The following PTCHD4 variants were observed in gnomAD, a reference collection of about 807,000 sequenced individuals.
The protein encoded by PTCHD4 is patched domain containing 4, also known as patched domain-containing protein 4.
PTCHD4 carries 33 observed loss-of-function variants against 58.1 expected under a neutral mutation model. The observed-to-expected ratio is 0.57, with a 90% confidence interval of 0.43 to 0.76. PTCHD4 has a LOEUF of 0.76. Among genes scored for constraint, PTCHD4 ranks in the 30% least tolerant of loss-of-function variants. The pLI, the probability that PTCHD4 is intolerant of heterozygous loss-of-function variation, is 0.00. For synonymous variants in PTCHD4, 478 were observed against 409.6 expected (o/e 1.17, Z -2.02); for missense variants, 1,058 against 1,027.1 (o/e 1.03, Z -0.41).
chr6:47,940,124 T>C (rs2113922692), intron 4 of PTCHD4, among the ~76,000 whole-genome samples: 1 of 152,226 alleles, frequency 6.6e-6, no homozygotes, highest in East Asian at 1.9e-4. Flanking sequence ...TATCCAGTGG[T>C]AGAAATGGAT....
chr6:47,929,085 A>T (rs970624434), intron 4 of PTCHD4, among the ~76,000 whole-genome samples: 5 of 152,216 alleles, frequency 3.3e-5, no homozygotes, highest in African/African-American at 1.2e-4. Context: ...ATACATTGGT[A>T]TCTAATATTT....
At chr6:48,039,413 C>T (rs1302506248) in intron 3 of PTCHD4, among the ~76,000 whole-genome samples, 2 of 152,002 alleles carry the variant, frequency 1.3e-5, no homozygotes, top group Non-Finnish European at 2.9e-5. Context: ...GAGATGGTCA[C>T]TAAAGTCATA....
intron 4 of PTCHD4, among the ~76,000 whole-genome samples, chr6:47,986,523 T>A (rs1460375229): frequency 1.3e-5 from 2 of 152,174 alleles, no homozygotes; most frequent in African/African-American, 4.8e-5. Context: ...GACAATATGT[T>A]GGTAGCCTGC....
chr6:47,886,079 A>G (rs796907059), intron 4 of PTCHD4, among the ~76,000 whole-genome samples: 3 of 150,884 alleles, frequency 2.0e-5, no homozygotes, highest in African/African-American at 7.3e-5. Flanking sequence ...CGGCCTCCCA[A>G]AGTGCTGGGA....
intron 1 of PTCHD4, among the ~76,000 whole-genome samples, chr6:48,103,301 C>G (rs970204487): frequency 6.6e-6 from 1 of 152,174 alleles, no homozygotes; most frequent in Non-Finnish European, 1.5e-5. Flanking sequence ...TCACCAATAT[C>G]CGCTGTTCTG....
At chr6:47,997,951 T>A (rs912847328) in intron 4 of PTCHD4, among the ~76,000 whole-genome samples, 5 of 152,046 alleles carry the variant, frequency 3.3e-5, no homozygotes, top group Non-Finnish European at 7.4e-5. Context: ...CTAGGAAGTA[T>A]ATCTCCCATT....
intron 4 of PTCHD4, among the ~76,000 whole-genome samples, chr6:47,914,130 T>C (rs77910861): frequency 0.051 from 7,761 of 152,270 alleles, 257 homozygotes; most frequent in African/African-American, 0.076. Context: ...TTTGGTATTA[T>C]ATACACAAAA....
chr6:47,893,886 A>G (rs1256645722), intron 4 of PTCHD4, among the ~76,000 whole-genome samples: 1 of 152,262 alleles, frequency 6.6e-6, no homozygotes, highest in East Asian at 1.9e-4. Flanking sequence ...GCTGATTAAC[A>G]AAGGGTTTAG....
Position 47,859,591 on chromosome 6 carries a change from T to G in PTCHD4, c.*18712A>C, listed in dbSNP as rs1228080147. ...AAATATTTATTGAATGCCTAACATG[T>G]GCCTGGCACCCTTCAGGGTACTGGG... On this transcript the variant is annotated 3_prime_UTR_variant, in exon 5 of 5. Coordinates refer to ENST00000339488, the MANE Select transcript of PTCHD4 (RefSeq NM_001384253.1). Among the ~76,000 whole-genome samples the G allele has an allele frequency of 6.6e-6, 1 of 151,978 alleles. No homozygotes were observed. The highest frequency in any genetic ancestry group is 1.5e-5 in the Non-Finnish European group (1 of 67,966).
chr6:47,894,912 A>G (rs1051780936), intron 4 of PTCHD4, among the ~76,000 whole-genome samples: 4 of 152,180 alleles, frequency 2.6e-5, no homozygotes, highest in African/African-American at 9.6e-5. Context: ...CAGGTGGATC[A>G]TCTGAGGTCA....
chr6:48,069,617 T>C lies in PTCHD4; in HGVS notation c.-660A>G, dbSNP rs1764934738. Among the ~76,000 whole-genome samples, 1 of 152,148 alleles carries C rather than the reference T, an allele frequency of 6.6e-6. No homozygotes were observed. The highest frequency in any genetic ancestry group is 2.4e-5 in the African/African-American group (1 of 41,438). On this transcript the variant is annotated 5_prime_UTR_variant, in exon 2 of 5. Coordinates refer to ENST00000339488, the MANE Select transcript of PTCHD4 (RefSeq NM_001384253.1). ...GTTGGGACCGTCTGGATAGCTTCTT[T>C]CCTCTGATGGCTGGAGAGGAGGCAT...
At chr6:48,087,419 A>T (rs1314268311) in intron 1 of PTCHD4, among the ~76,000 whole-genome samples, 1 of 152,192 alleles carries the variant, frequency 6.6e-6, no homozygotes, top group Admixed American at 6.5e-5. Flanking sequence ...ATTGTCTACT[A>T]ATATAAGTTA....
chr6:47,895,110 C>T (rs1223580053), intron 4 of PTCHD4, among the ~76,000 whole-genome samples: 3 of 151,186 alleles, frequency 2.0e-5, no homozygotes, highest in Non-Finnish European at 2.9e-5. Context: ...ACTCCAGCCT[C>T]GGCGACAGAG....
intron 4 of PTCHD4, among the ~76,000 whole-genome samples, chr6:47,916,566 G>A (rs1050051065): frequency 6.6e-6 from 1 of 152,074 alleles, no homozygotes; most frequent in Non-Finnish European, 1.5e-5. Flanking sequence ...ACCTAGAAAA[G>A]GGGGGCAGAA....
chr6:48,068,203 A>T lies in PTCHD4; in HGVS notation c.417+27T>A. 1.3e-6 allele frequency: 2 copies of T among 1,520,168 alleles called. No homozygotes were observed. Among genetic ancestry groups the T allele is most frequent in the Non-Finnish European group, 1.8e-6 (2 of 1,133,444 alleles). The allele number at this position is 1,520,168 out of a possible 1,614,324, so 94.2% of individuals were successfully genotyped here. Reference sequence around the variant, plus strand: ...TTCTCAACACACACAGATGGGAAAAAGTATAATTATAGCCCTTGTGGTTCA... The same window carrying T: ...TTCTCAACACACACAGATGGGAAAATGTATAATTATAGCCCTTGTGGTTCA... On this transcript the variant is annotated intron_variant, in intron 3 of 4. Coordinates refer to ENST00000339488, the MANE Select transcript of PTCHD4 (RefSeq NM_001384253.1). This position sits in a 1 kb window ranked among gnomAD's most constrained non-coding sequence, Gnocchi z 4.2.
rs556836685 is a variant in PTCHD4, at chr6:48,007,843, T to G, written c.898+791A>C. Among the ~76,000 whole-genome samples the G allele has an allele frequency of 3.9e-5, 6 of 152,324 alleles. No homozygotes were observed. The South Asian group carries it at 1.2e-3, about 32-fold the overall frequency. On this transcript the variant is annotated intron_variant, in intron 4 of 4. Transcript: ENST00000339488. ...CAACAGCTATCACTATCATCATCTC[T>G]TTTCTGATAAGACACATCAGTCTTG... is the stretch of plus-strand genomic sequence containing the variant.
chr6:47,916,745 C>G (rs1409724277), intron 4 of PTCHD4, among the ~76,000 whole-genome samples: 1 of 152,032 alleles, frequency 6.6e-6, no homozygotes, highest in Non-Finnish European at 1.5e-5. Context: ...TTGATAATGG[C>G]TAATGGGCCA....
intron 4 of PTCHD4, chr6:47,899,607 C>T (rs1764634876): frequency 2.0e-6 from 2 of 978,916 alleles, no homozygotes; most frequent in Non-Finnish European, 2.4e-6. Context: ...TGAACCCCTT[C>T]CGTTTGTTTT....
intron 4 of PTCHD4, among the ~76,000 whole-genome samples, chr6:47,911,385 G>T (rs890864445): frequency 1.3e-5 from 2 of 152,068 alleles, no homozygotes; most frequent in African/African-American, 2.4e-5. Flanking sequence ...TCTCCCTCAA[G>T]CACTAAAGTT....
Sources: gnomAD v4.1 joint callset for allele counts (sites outside exome capture counted in the v4.1 genomes callset) on GRCh38, gnomAD v4.1.1 for gene constraint, Gnocchi (gnomAD v3.1) non-coding constraint, MANE v1.5 for transcripts, NCBI Gene and HGNC (gene_info 2026-07-23, HGNC 2026-07-21) for gene names.